ANK2: variants seen among roughly 807,000 people sequenced by gnomAD.
ANK2 encodes ankyrin-2.
A neutral mutation model predicts 360.5 loss-of-function variants in ANK2; 83 were observed. That is an observed-to-expected ratio of 0.23 (90% CI 0.19 to 0.28). The LOEUF (loss-of-function observed/expected upper bound fraction) is 0.28. Ranked by LOEUF, ANK2 falls within the 10% of genes least tolerant of loss-of-function variation. The probability of loss-of-function intolerance (pLI) is 1.00; values close to 1 mark genes in which losing one functional copy is unlikely to be tolerated. For missense variants in ANK2, 4,201 were observed against 4,795.7 expected, an observed-to-expected ratio of 0.88 and a Z score of 3.66; for synonymous variants, 1,740 against 1,759.5, an observed-to-expected ratio of 0.99 and a Z score of 0.28.
intron 41 of ANK2, among the ~76,000 whole-genome samples, chr4:113,366,947 A>G (rs556814216): frequency 2.9e-4 from 44 of 152,324 alleles, no homozygotes; most frequent in African/African-American, 9.1e-4. Context: ...AAATGAGTCA[A>G]TAGATGAATG....
chr4:112,886,628 C>T (rs945021581), intron 1 of ANK2, among the ~76,000 whole-genome samples: 1 of 152,162 alleles, frequency 6.6e-6, no homozygotes, highest in Admixed American at 6.5e-5. Flanking sequence ...CGCCACTGCA[C>T]TCCAGCTTGG....
chr4:113,278,640 G>T, intron 17 of ANK2, 82 bp downstream of exon 17: 1 of 1,378,924 alleles, frequency 7.3e-7, no homozygotes, highest in South Asian at 1.2e-5. Flanking sequence ...TTAAACACAT[G>T]GTATAGTATA....
At chr4:113,177,032 G>A (rs1300508253) in intron 2 of ANK2, among the ~76,000 whole-genome samples, 1 of 152,104 alleles carries the variant, frequency 6.6e-6, no homozygotes, top group African/African-American at 2.4e-5. Context: ...GTCTATCATT[G>A]ATGGACATTT....
At chr4:112,978,408 C>A (rs2042103640) in intron 2 of ANK2, among the ~76,000 whole-genome samples, 1 of 152,136 alleles carries the variant, frequency 6.6e-6, no homozygotes, top group Non-Finnish European at 1.5e-5. Flanking sequence ...CATTGCTGTG[C>A]AACCATCACA....
At position 113,202,957 on chromosome 4, in the gene ANK2, G is replaced by C. The variant is rs184551108; in HGVS notation, c.384+3848G>C. On this transcript the variant is annotated intron_variant, in intron 4 of 45. Transcript: ENST00000357077. Reference sequence around the variant, plus strand: ...TCTCTGCTGAGCCAGTTCTTGGTGTGATTTTAAGTATTGCCCCTGACCATG... The same window carrying C: ...TCTCTGCTGAGCCAGTTCTTGGTGTCATTTTAAGTATTGCCCCTGACCATG... 1.1e-4 allele frequency among the ~76,000 whole-genome samples: 16 copies of C among 152,288 alleles called. 1 individual carries two copies. In the East Asian group the frequency reaches 3.1e-3, roughly 29 times the overall value.
At chr4:113,208,422 C>T (rs559746152) in intron 4 of ANK2, among the ~76,000 whole-genome samples, 1 of 152,076 alleles carries the variant, frequency 6.6e-6, no homozygotes, top group South Asian at 2.1e-4. Flanking sequence ...GTCAATAGAT[C>T]TCTCCCTTGC....
intron 1 of ANK2, among the ~76,000 whole-genome samples, chr4:113,154,278 G>A (rs2097198277): frequency 6.6e-6 from 1 of 152,158 alleles, no homozygotes; most frequent in Non-Finnish European, 1.5e-5. Flanking sequence ...TACCTATATA[G>A]AGTCCTTTTA....
At chr4:112,876,893 T>C (rs1209567192) in intron 1 of ANK2, among the ~76,000 whole-genome samples, 1 of 152,176 alleles carries the variant, frequency 6.6e-6, no homozygotes, top group Non-Finnish European at 1.5e-5. Flanking sequence ...AGAGATAATT[T>C]GTTGCACTGA....
intron 1 of ANK2, among the ~76,000 whole-genome samples, chr4:113,069,461 C>T (rs566536220): frequency 6.6e-5 from 10 of 152,276 alleles, no homozygotes; most frequent in East Asian, 3.9e-4. Flanking sequence ...CAGGAAAGCA[C>T]GGGCTAATCC....
At chr4:112,792,608 G>A in the ANK2 span, among the ~76,000 whole-genome samples, 48 of 152,218 alleles carry the variant, frequency 3.2e-4, no homozygotes, top group Admixed American at 2.7e-3. Context: ...TTTACTGTGG[G>A]TCTCATAAAA....
At position 113,343,128 on chromosome 4, in the gene ANK2, C is replaced by A. The variant is rs2094471953; in HGVS notation, c.4234C>A (p.Pro1412Thr). 1 of 1,613,194 alleles carries A rather than the reference C, an allele frequency of 6.2e-7. No homozygotes were observed. Among genetic ancestry groups the A allele is most frequent in the Non-Finnish European group, 8.5e-7 (1 of 1,179,382 alleles). Residue 1412 changes from proline (P) to threonine (T), a missense_variant, in exon 34 of 46, where the codon CCT becomes ACT. By Grantham distance (38) the Pro-to-Thr change is conservative (BLOSUM62 -1). This residue lies in a region of ANK2 where 1,268 missense variants were observed against 1,650.8 expected (regional missense o/e 0.77). Transcript: ENST00000357077. ...TTTTGCCTTCAAAGAAAATAGACTT[C>A]CTCTATTTGTCAAGGTAATATATAC... ...SFFAFKENRL[P>T]LFVKVRDTTQ...
chr4:112,893,847 G>A (rs923006869), intron 1 of ANK2, among the ~76,000 whole-genome samples: 17 of 152,054 alleles, frequency 1.1e-4, no homozygotes, highest in Non-Finnish European at 2.4e-4. Flanking sequence ...ACACAAAAAA[G>A]TTTGCCCAGC....
the ANK2 span, among the ~76,000 whole-genome samples, chr4:112,769,050 G>T: frequency 6.6e-6 from 1 of 152,172 alleles, no homozygotes; most frequent in Non-Finnish European, 1.5e-5. Context: ...AGGTTACATG[G>T]CTCCGCTGAA....
At chr4:113,101,617 T>C (rs2092845852) in intron 1 of ANK2, among the ~76,000 whole-genome samples, 2 of 152,068 alleles carry the variant, frequency 1.3e-5, no homozygotes, top group African/African-American at 4.8e-5. Context: ...TCAGTTAATG[T>C]TTTTTGGCAC....
chr4:113,323,037 G>T (rs779162349), intron 26 of ANK2, among the ~76,000 whole-genome samples: 1 of 152,116 alleles, frequency 6.6e-6, no homozygotes, highest in Non-Finnish European at 1.5e-5. Flanking sequence ...TGTCATTAGG[G>T]TTGAAAACAC....
chr4:113,160,678 A>C (rs2097501060), intron 1 of ANK2, among the ~76,000 whole-genome samples: 1 of 152,220 alleles, frequency 6.6e-6, no homozygotes, highest in African/African-American at 2.4e-5. Context: ...AGTGGAAATA[A>C]AAATGAATAA....
chr4:112,764,709 T>TC, the ANK2 span, among the ~76,000 whole-genome samples: 1 of 136,646 alleles, frequency 7.3e-6, no homozygotes, highest in Non-Finnish European at 1.5e-5. Context: ...AAAGTTATCT[T>TC]TTTTTTTTTT....
intron 22 of ANK2, among the ~76,000 whole-genome samples, chr4:113,294,572 A>G (rs1198470874): frequency 6.6e-6 from 1 of 152,200 alleles, no homozygotes; most frequent in Non-Finnish European, 1.5e-5. Context: ...TCAGGCTGAC[A>G]GTAAGTTCCT....
intron 2 of ANK2, among the ~76,000 whole-genome samples, chr4:113,022,967 G>A (rs2058492506): frequency 6.6e-6 from 1 of 152,074 alleles, no homozygotes; most frequent in Non-Finnish European, 1.5e-5. Context: ...TCTGTGGAGT[G>A]TCTAATAGTC....
Sources: allele counts gnomAD v4.1 joint callset (sites outside exome capture counted in the v4.1 genomes callset), GRCh38; gene constraint gnomAD v4.1.1; regional missense constraint gnomAD v4.1.1; transcripts MANE v1.5; gene names NCBI Gene and HGNC (gene_info 2026-07-23, HGNC 2026-07-21).